The following SLC7A2 variants were observed in gnomAD, a reference collection of about 807,000 sequenced individuals.
The protein encoded by SLC7A2 is solute carrier family 7 member 2.
SLC7A2 carries 48 observed loss-of-function variants against 58.9 expected under a neutral mutation model. The observed-to-expected ratio is 0.82, with a 90% CI of 0.65 to 1.04. The LOEUF is 1.04. Among genes scored for constraint, SLC7A2 ranks in the 50% least tolerant of loss-of-function variants. SLC7A2 has a pLI of 0.00. For missense variants in SLC7A2, 1,029 were observed against 818.8 expected, an observed-to-expected ratio of 1.26 and a Z score of -3.13; for synonymous variants, 363 against 314.5, an observed-to-expected ratio of 1.15 and a Z score of -1.63.
intron 2 of SLC7A2, among the ~76,000 whole-genome samples, chr8:17,527,296 C>T (rs973043596): frequency 6.6e-6 from 1 of 152,060 alleles, no homozygotes; most frequent in South Asian, 2.1e-4. Context: ...GGGTTTTAGC[C>T]GACTACAAAC....
chr8:17,564,886 A>G, intron 12 of SLC7A2, 64 bp from the exon 13 acceptor site: 3 of 1,342,276 alleles, frequency 2.2e-6, no homozygotes, highest in Non-Finnish European at 3.0e-6. Context: ...TTCCACCTCA[A>G]TAACTTAAAA....
intron 2 of SLC7A2, among the ~76,000 whole-genome samples, chr8:17,529,958 A>G (rs1283154640): frequency 6.6e-6 from 1 of 152,120 alleles, no homozygotes; most frequent in African/African-American, 2.4e-5. Flanking sequence ...AGTAGCAAAA[A>G]CTACGATTAC....
intron 2 of SLC7A2, among the ~76,000 whole-genome samples, chr8:17,530,671 C>G (rs1483629395): frequency 6.6e-6 from 1 of 151,398 alleles, no homozygotes; most frequent in African/African-American, 2.4e-5. Context: ...CTCCTAGGTT[C>G]AAGCGTTTCT....
chr8:17,513,549 A>G (rs1800686956), intron 2 of SLC7A2, among the ~76,000 whole-genome samples: 1 of 152,214 alleles, frequency 6.6e-6, no homozygotes, highest in Non-Finnish European at 1.5e-5. Context: ...TCATTTCAGT[A>G]AAGCTTATCA....
upstream of SLC7A2, among the ~76,000 whole-genome samples, chr8:17,494,942 G>A (rs182728857): frequency 2.6e-5 from 4 of 152,308 alleles, no homozygotes; most frequent in Admixed American, 2.6e-4. Context: ...GCGCCGGCGG[G>A]CAGATTGGAT....
At chr8:17,522,987 A>G (rs1448967191) in intron 2 of SLC7A2, among the ~76,000 whole-genome samples, 1 of 152,130 alleles carries the variant, frequency 6.6e-6, no homozygotes, top group Non-Finnish European at 1.5e-5. Context: ...GTGACCCATG[A>G]TCACACCACT....
intron 2 of SLC7A2, among the ~76,000 whole-genome samples, chr8:17,532,246 AAAAAAAAAAAAAAC>A (rs1210371060): frequency 8.0e-6 from 1 of 124,670 alleles, no homozygotes; most frequent in South Asian, 2.7e-4. Flanking sequence ...AAAAAAAAAA[AAAAAAAAAAAAAAC>A]CCCAGCAATT....
chr8:17,542,503 T>C (rs1801955758), intron 2 of SLC7A2, among the ~76,000 whole-genome samples: 1 of 152,030 alleles, frequency 6.6e-6, no homozygotes, highest in Admixed American at 6.6e-5. Context: ...ATAAAGAAGT[T>C]ACCCGAGCGT....
intron 2 of SLC7A2, among the ~76,000 whole-genome samples, chr8:17,527,576 G>A (rs887948301): frequency 6.6e-6 from 1 of 152,184 alleles, no homozygotes; most frequent in Non-Finnish European, 1.5e-5. Context: ...GACTGTCTGT[G>A]CTCCTTCTGA....
intron 2 of SLC7A2, among the ~76,000 whole-genome samples, chr8:17,510,061 C>T (rs537118406): frequency 1.3e-5 from 2 of 151,936 alleles, no homozygotes; most frequent in Admixed American, 1.3e-4. Context: ...CTCTACTAAA[C>T]GTACGAAAAT....
intron 2 of SLC7A2, among the ~76,000 whole-genome samples, chr8:17,502,737 C>G (rs2150643505): frequency 6.6e-6 from 1 of 152,194 alleles, no homozygotes; most frequent in East Asian, 1.9e-4. Flanking sequence ...TGGAATGAGT[C>G]CATTTTTCCT....
chr8:17,503,136 C>T lies in SLC7A2; in HGVS notation c.-23+834C>T, dbSNP rs192485048. On this transcript the variant is annotated intron_variant, in intron 2 of 12. Coordinates refer to ENST00000494857, the MANE Select transcript of SLC7A2 (RefSeq NM_001370338.1). ...CGCGATCTCGGCTCGCTGCAAGCTCCGCCTCCCGGGTTCACGCCATTCTCC... is the reference window on the plus strand; with the variant it reads ...CGCGATCTCGGCTCGCTGCAAGCTCTGCCTCCCGGGTTCACGCCATTCTCC... Among the ~76,000 whole-genome samples the T allele has an allele frequency of 8.1e-3, 1,226 of 152,014 alleles. 10 individuals carry two copies. Among genetic ancestry groups the T allele is most frequent in the African/African-American group, 0.028 (1,152 of 41,454 alleles).
chr8:17,532,242 A>AC (rs1453559295), intron 2 of SLC7A2, among the ~76,000 whole-genome samples: 26 of 111,578 alleles, frequency 2.3e-4, no homozygotes, highest in African/African-American at 8.2e-4. Context: ...AAAAAAAAAA[A>AC]AAAAAAAAAA....
At chr8:17,530,326 G>C (rs1488477525) in intron 2 of SLC7A2, among the ~76,000 whole-genome samples, 2 of 152,122 alleles carry the variant, frequency 1.3e-5, no homozygotes, top group Admixed American at 1.3e-4. Flanking sequence ...AGGGCAAGGG[G>C]GCAAGGTGGG....
intron 8 of SLC7A2, among the ~76,000 whole-genome samples, chr8:17,557,078 A>G (rs1449856086): frequency 3.3e-5 from 5 of 152,156 alleles, no homozygotes; most frequent in Admixed American, 1.3e-4. Flanking sequence ...ACCACTCACA[A>G]TTGCTGAGTT....
chr8:17,532,099 C>T (rs1208210235), intron 2 of SLC7A2, among the ~76,000 whole-genome samples: 6 of 151,448 alleles, frequency 4.0e-5, no homozygotes, highest in Non-Finnish European at 5.9e-5. Context: ...GGTGTGGTGG[C>T]GGTGCCTGTA....
At chr8:17,530,987 G>A (rs1031380760) in intron 2 of SLC7A2, among the ~76,000 whole-genome samples, 9 of 152,034 alleles carry the variant, frequency 5.9e-5, no homozygotes, top group Non-Finnish European at 7.4e-5. Context: ...ATTTCTAAGC[G>A]TATTTAAAAT....
intron 1 of SLC7A2, among the ~76,000 whole-genome samples, chr8:17,501,562 G>C (rs1800161091): frequency 6.6e-6 from 1 of 152,122 alleles, no homozygotes. Context: ...TATTCTGGGT[G>C]TGTATGGATG....
chr8:17,494,330 G>T (rs1205142530), upstream of SLC7A2, among the ~76,000 whole-genome samples: 3 of 152,140 alleles, frequency 2.0e-5, no homozygotes, highest in Non-Finnish European at 4.4e-5. Context: ...AAACCCTTAA[G>T]AGTTCAGACA....
Sources: gnomAD v4.1 joint callset for allele counts (sites outside exome capture counted in the v4.1 genomes callset) on GRCh38, gnomAD v4.1.1 for gene constraint, MANE v1.5 for transcripts, NCBI Gene and HGNC (gene_info 2026-07-23, HGNC 2026-07-21) for gene names.